The following PGCKA1 variants were observed in gnomAD, a reference collection of about 807,000 sequenced individuals.
PGCKA1 encodes PDCD10 and GCKIII kinases associated 1.
the PGCKA1 span, among the ~76,000 whole-genome samples, chr4:37,589,411 C>T: frequency 2.0e-5 from 3 of 152,142 alleles, no homozygotes; most frequent in Non-Finnish European, 4.4e-5. Flanking sequence ...TATTCAAAAA[C>T]TATGTATTGT....
At chr4:37,519,670 CTTAGGT>C in the PGCKA1 span, among the ~76,000 whole-genome samples, 1 of 152,076 alleles carries the variant, frequency 6.6e-6, no homozygotes, top group African/African-American at 2.4e-5. Context: ...TTGTGGAGTC[CTTAGGT>C]TTTTCTAAAT....
At chr4:37,468,923 T>G in the PGCKA1 span, among the ~76,000 whole-genome samples, 1 of 152,214 alleles carries the variant, frequency 6.6e-6, no homozygotes, top group Non-Finnish European at 1.5e-5. Context: ...AACTATGATA[T>G]TCCTTTAAAT....
the PGCKA1 span, among the ~76,000 whole-genome samples, chr4:37,569,332 A>C: frequency 2.0e-5 from 3 of 151,494 alleles, no homozygotes; most frequent in African/African-American, 7.3e-5. Flanking sequence ...TGAGTAGCTG[A>C]GATTACAAGC....
the PGCKA1 span, among the ~76,000 whole-genome samples, chr4:37,567,062 A>T: frequency 0.045 from 6,777 of 150,812 alleles, 389 homozygotes; most frequent in South Asian, 0.14. Flanking sequence ...TCCAGCGGAC[A>T]AAAAAAAATA....
the PGCKA1 span, among the ~76,000 whole-genome samples, chr4:37,552,536 T>C: frequency 6.6e-6 from 1 of 152,216 alleles, no homozygotes; most frequent in African/African-American, 2.4e-5. Flanking sequence ...TGTACAATAC[T>C]ATGTGTAATA....
the PGCKA1 span, among the ~76,000 whole-genome samples, chr4:37,546,933 C>T: frequency 4.6e-5 from 7 of 152,278 alleles, no homozygotes; most frequent in African/African-American, 1.7e-4. Flanking sequence ...TAAGACCAGT[C>T]TTTGGAACTT....
the PGCKA1 span, among the ~76,000 whole-genome samples, chr4:37,533,530 T>A: frequency 6.6e-6 from 1 of 152,246 alleles, no homozygotes; most frequent in Admixed American, 6.5e-5. Flanking sequence ...GCTGCTCTGT[T>A]GAGTTTCGCT....
the PGCKA1 span, among the ~76,000 whole-genome samples, chr4:37,475,183 A>G: frequency 1.3e-4 from 20 of 152,304 alleles, no homozygotes; most frequent in African/African-American, 4.6e-4. Flanking sequence ...TTGGGTTTGG[A>G]GGAAATGCAA....
the PGCKA1 span, among the ~76,000 whole-genome samples, chr4:37,460,030 CCT>C: frequency 6.6e-6 from 1 of 152,028 alleles, no homozygotes; most frequent in African/African-American, 2.4e-5. Context: ...TGTTCCCCTC[CCT>C]GTGTTCATGT....
the PGCKA1 span, among the ~76,000 whole-genome samples, chr4:37,546,788 C>T: frequency 2.0e-5 from 3 of 152,234 alleles, no homozygotes; most frequent in Non-Finnish European, 2.9e-5. Flanking sequence ...GCCTGAGTGA[C>T]GCGATCCAAA....
At chr4:37,588,769 G>A in the PGCKA1 span, 1 of 1,058,660 alleles carries the variant, frequency 9.4e-7, no homozygotes, top group Admixed American at 1.8e-5. Context: ...GAGTCTCTAG[G>A]GAAAAAAAAA....
the PGCKA1 span, among the ~76,000 whole-genome samples, chr4:37,571,746 C>G: frequency 1.3e-5 from 2 of 151,798 alleles, no homozygotes; most frequent in Non-Finnish European, 2.9e-5. Flanking sequence ...ACCGTGTTAG[C>G]CAGGATGGTC....
At chr4:37,480,601 G>A in the PGCKA1 span, among the ~76,000 whole-genome samples, 1 of 152,242 alleles carries the variant, frequency 6.6e-6, no homozygotes, top group Non-Finnish European at 1.5e-5. Flanking sequence ...GGGTGAGGGG[G>A]CTTGTCACAA....
chr4:37,469,131 C>T, the PGCKA1 span, among the ~76,000 whole-genome samples: 42,171 of 152,000 alleles, frequency 0.28, 6,121 homozygotes, highest in Non-Finnish European at 0.32. Context: ...AGCCTAGGAG[C>T]AACAGGTTGT....
the PGCKA1 span, among the ~76,000 whole-genome samples, chr4:37,458,347 TTA>T: frequency 6.6e-6 from 1 of 152,208 alleles, no homozygotes; most frequent in African/African-American, 2.4e-5. Flanking sequence ...GAGAAATTAC[TTA>T]TATATTCAGT....
the PGCKA1 span, among the ~76,000 whole-genome samples, chr4:37,521,510 T>A: frequency 6.6e-6 from 1 of 152,240 alleles, no homozygotes; most frequent in Non-Finnish European, 1.5e-5. Context: ...TTGCTCTTGT[T>A]ATTCATTTCT....
the PGCKA1 span, among the ~76,000 whole-genome samples, chr4:37,467,438 C>A: frequency 1.3e-5 from 2 of 152,116 alleles, no homozygotes; most frequent in African/African-American, 4.8e-5. Flanking sequence ...AGCAAACTGC[C>A]CTTCTTCTAT....
the PGCKA1 span, among the ~76,000 whole-genome samples, chr4:37,520,909 G>T: frequency 6.6e-6 from 1 of 152,140 alleles, no homozygotes; most frequent in Non-Finnish European, 1.5e-5. Context: ...GAGCCACTGC[G>T]CCCAGCCCTT....
the PGCKA1 span, among the ~76,000 whole-genome samples, chr4:37,539,522 C>T: frequency 7.2e-5 from 11 of 151,956 alleles, no homozygotes; most frequent in South Asian, 4.2e-4. Flanking sequence ...CCAGATGTGG[C>T]GCACACCTGT....
Sources: gnomAD v4.1 joint callset for allele counts (sites outside exome capture counted in the v4.1 genomes callset) on GRCh38, gnomAD v4.1.1 for gene constraint, MANE v1.5 for transcripts, NCBI Gene and HGNC (gene_info 2026-07-23, HGNC 2026-07-21) for gene names.